Variants in ANKRD18B observed in about 807,000 individuals in gnomAD.
ANKRD18B encodes the protein ankyrin repeat domain 18B.
A neutral mutation model predicts 111.8 loss-of-function variants in ANKRD18B; 75 were observed. The ratio of observed to expected loss-of-function variants is 0.67; its 90% CI spans 0.56 to 0.81. The LOEUF (loss-of-function observed/expected upper bound fraction) is 0.81, where lower values mean the gene tolerates loss of function less well. ANKRD18B is among the 40% of genes least tolerant of loss of function. ANKRD18B has a pLI of 0.00. For missense variants in ANKRD18B, 1,038 were observed against 1,225.5 expected, an observed-to-expected ratio of 0.85 and a Z score of 2.28; for synonymous variants, 356 against 417.3, an observed-to-expected ratio of 0.85 and a Z score of 1.79.
rs566108500 is a variant in ANKRD18B, at chr9:33,527,417, G to A, written c.207-1310G>A. Among the ~76,000 whole-genome samples the A allele has an allele frequency of 1.2e-4, 19 of 152,200 alleles. No homozygotes were observed. In the South Asian group the frequency reaches 1.9e-3, roughly 15 times the overall value. On this transcript the variant is annotated intron_variant, in intron 1 of 18. Coordinates refer to ENST00000684830, the MANE Select transcript of ANKRD18B (RefSeq NM_001393611.1). Reference sequence around the variant, plus strand: ...GCTCACTGCAACCTCTGCTGCCAAGGTTCAAGCGATTATCCTGCCTCAGCC... The same window carrying A: ...GCTCACTGCAACCTCTGCTGCCAAGATTCAAGCGATTATCCTGCCTCAGCC...
intron 12 of ANKRD18B, 137 bp downstream of exon 12, chr9:33,550,716 A>G (rs1828434538): frequency 1.1e-6 from 1 of 934,592 alleles, no homozygotes; most frequent in Non-Finnish European, 1.5e-6. Context: ...CCATTTTATT[A>G]TCTTTATAAC....
At chr9:33,552,678 A>G (rs1828463715) in intron 12 of ANKRD18B, among the ~76,000 whole-genome samples, 2 of 152,250 alleles carry the variant, frequency 1.3e-5, no homozygotes, top group Non-Finnish European at 2.9e-5. Flanking sequence ...AGAATGATTC[A>G]GTGCATCTAT....
At chr9:33,544,837 CA>C (rs947953415) in intron 10 of ANKRD18B, among the ~76,000 whole-genome samples, 4 of 149,022 alleles carry the variant, frequency 2.7e-5, no homozygotes, top group East Asian at 2.0e-4. Flanking sequence ...AAGTCCATCT[CA>C]AAAAAAAAAT....
chr9:33,541,743 G>A (rs577413939), intron 9 of ANKRD18B, among the ~76,000 whole-genome samples: 2 of 152,054 alleles, frequency 1.3e-5, no homozygotes, highest in Non-Finnish European at 2.9e-5. Flanking sequence ...AAAATAAAAT[G>A]TTGGTCTTTT....
chr9:33,541,971 G>T (rs1828285807), intron 9 of ANKRD18B, among the ~76,000 whole-genome samples: 1 of 152,034 alleles, frequency 6.6e-6, no homozygotes, highest in Non-Finnish European at 1.5e-5. Flanking sequence ...GCTCTGGGAG[G>T]CTTCTCTCCC....
chr9:33,538,177 G>A (rs1828227824), intron 6 of ANKRD18B, among the ~76,000 whole-genome samples: 1 of 152,124 alleles, frequency 6.6e-6, no homozygotes, highest in African/African-American at 2.4e-5. Flanking sequence ...TAAACAAATG[G>A]CAATAAGAAC....
At chr9:33,554,638 T>G (rs1828495955) in intron 12 of ANKRD18B, among the ~76,000 whole-genome samples, 1 of 152,114 alleles carries the variant, frequency 6.6e-6, no homozygotes, top group South Asian at 2.1e-4. Context: ...CCATCTCTAC[T>G]AAAAATACAA....
At chr9:33,570,327 A>T (rs980095773) in intron 17 of ANKRD18B, among the ~76,000 whole-genome samples, 2 of 152,176 alleles carry the variant, frequency 1.3e-5, no homozygotes, top group African/African-American at 4.8e-5. Flanking sequence ...CAGGGTTGAA[A>T]AACTGCTTCT....
Position 33,548,668 on chromosome 9 carries a change from T to C in ANKRD18B, c.1880T>C (p.Leu627Pro). Reference protein sequence around the residue: ...IRQRELENLLLERQLEDARKE... With the variant: ...IRQRELENLLPERQLEDARKE... The stretch of plus-strand genomic sequence containing the variant: ...CAACGAGAACTTGAAAATCTCTTGC[T>C]TGAACGACAACTAGAGGATGCTCGT... The change falls in exon 11 of 19, where the codon CTT (leucine) becomes CCT (proline). Residue 627 changes from leucine to proline, a missense_variant. Physicochemically the swap from Leu to Pro is moderately conservative, Grantham distance 98 (BLOSUM62 -3). Around this residue, in one of 4 missense-constraint regions of ANKRD18B, gnomAD observed 524 missense variants for 677.9 expected, o/e 0.77. Coordinates refer to ENST00000684830, the MANE Select transcript of ANKRD18B (RefSeq NM_001393611.1). 1 of 1,551,260 alleles carries C rather than the reference T, an allele frequency of 6.4e-7. No individual in the cohort carries two copies. The highest frequency in any genetic ancestry group is 1.2e-5 in the South Asian group (1 of 84,036).
At chr9:33,532,310 G>A (rs993172296) in intron 3 of ANKRD18B, among the ~76,000 whole-genome samples, 3 of 152,008 alleles carry the variant, frequency 2.0e-5, no homozygotes, top group Non-Finnish European at 4.4e-5. Context: ...ATCAGTATTA[G>A]AACTTTTTTT....
At chr9:33,575,400 G>A (rs549427728), downstream of ANKRD18B, among the ~76,000 whole-genome samples, 5,527 of 152,338 alleles carry the variant, frequency 0.036, 141 homozygotes, top group Non-Finnish European at 0.052. Flanking sequence ...TGGCACCTGG[G>A]CCTTGGGAAG....
chr9:33,528,737 C>T lies in ANKRD18B; in HGVS notation c.217C>T (p.His73Tyr), dbSNP rs1046020584. 3.1e-6 allele frequency: 5 copies of T among 1,611,250 alleles called. No homozygotes were observed. The African/African-American group carries it at 6.7e-5, about 22-fold the overall frequency. The part of the protein sequence containing the change: ...VRDRKDRTVL[H>Y]LACAHGRVQV... ...CTCTCGCTCTCCTAGGACTGTTCTA[C>T]ATTTGGCCTGTGCCCATGGCCGTGT... The change falls in exon 2 of 19, where the codon CAT becomes TAT. Residue 73 changes from histidine (H) to tyrosine (Y), a missense_variant. By Grantham distance (83) the His-to-Tyr change is moderately conservative. This residue lies in a region of ANKRD18B where 216 missense variants were observed against 205.1 expected (regional missense o/e 1.05). Coordinates refer to ENST00000684830, the MANE Select transcript of ANKRD18B (RefSeq NM_001393611.1).
intron 1 of ANKRD18B, among the ~76,000 whole-genome samples, chr9:33,527,309 TTTTGTTTG>T (rs68020937): frequency 2.1e-5 from 3 of 144,460 alleles, no homozygotes; most frequent in Admixed American, 6.9e-5. Context: ...ATGTTTCTTT[TTTTGTTTG>T]TTTGTTTGTT....
chr9:33,560,367 C>T (rs1828588847), intron 14 of ANKRD18B, among the ~76,000 whole-genome samples: 1 of 152,338 alleles, frequency 6.6e-6, no homozygotes, highest in East Asian at 1.9e-4. Context: ...CCACCCCAAC[C>T]CCCCAGTGCA....
Position 33,558,206 on chromosome 9 carries a change from A to G in ANKRD18B, c.2460+19A>G, listed in dbSNP as rs750533441. 1.3e-6 allele frequency: 2 copies of G among 1,590,624 alleles called. No individual in the cohort carries two copies. The stretch of plus-strand genomic sequence containing the variant: ...ACAGAAGGTAATTTAAAAAATTATT[A>G]TTTTATCTTAAGGTCTAGATTACAT... On this transcript the variant is annotated intron_variant, in intron 14 of 18. Transcript: ENST00000684830.
intron 14 of ANKRD18B, among the ~76,000 whole-genome samples, chr9:33,564,298 T>C (rs912567120): frequency 1.3e-5 from 2 of 152,262 alleles, no homozygotes; most frequent in Non-Finnish European, 2.9e-5. Flanking sequence ...TGAGTGAGAA[T>C]GTGCAGTATT....
intron 12 of ANKRD18B, among the ~76,000 whole-genome samples, chr9:33,554,611 G>C (rs1254999681): frequency 6.6e-6 from 1 of 152,174 alleles, no homozygotes; most frequent in Non-Finnish European, 1.5e-5. Context: ...TACCAGCGTG[G>C]CCAACATTGT....
intron 13 of ANKRD18B, among the ~76,000 whole-genome samples, chr9:33,557,021 C>T (rs547347854): frequency 6.6e-6 from 1 of 152,152 alleles, no homozygotes; most frequent in Non-Finnish European, 1.5e-5. Context: ...CTGAACACAG[C>T]TACTTTTCCA....
At chr9:33,552,532 G>T (rs920202461) in intron 12 of ANKRD18B, among the ~76,000 whole-genome samples, 4 of 152,074 alleles carry the variant, frequency 2.6e-5, no homozygotes, top group African/African-American at 9.7e-5. Context: ...TGGTCATGTC[G>T]GTTATGTACT....
Sources: allele counts gnomAD v4.1 joint callset (sites outside exome capture counted in the v4.1 genomes callset), GRCh38; gene constraint gnomAD v4.1.1; regional missense constraint gnomAD v4.1.1; transcripts MANE v1.5; gene names NCBI Gene and HGNC (gene_info 2026-07-23, HGNC 2026-07-21).